Variants in TMTC2 observed in about 807,000 individuals in gnomAD.
TMTC2 encodes transmembrane O-mannosyltransferase targeting cadherins 2.
A neutral mutation model predicts 82.4 loss-of-function variants in TMTC2; 43 were observed. The ratio of observed to expected loss-of-function variants is 0.52; its 90% CI spans 0.41 to 0.67. TMTC2 has a LOEUF of 0.67. Among genes scored for constraint, TMTC2 ranks in the 30% least tolerant of loss-of-function variants. TMTC2 has a pLI of 0.00. For missense variants in TMTC2, 919 were observed against 1,012.4 expected (o/e 0.91, Z 1.25); for synonymous variants, 408 against 381.9 (o/e 1.07, Z -0.80).
chr12:83,085,416 A>G (rs1883619250), intron 11 of TMTC2, among the ~76,000 whole-genome samples: 1 of 152,096 alleles, frequency 6.6e-6, no homozygotes, highest in Non-Finnish European at 1.5e-5. Context: ...CATGCTACAA[A>G]CCATTTTACA....
At chr12:83,084,732 G>C (rs1264207655) in intron 11 of TMTC2, among the ~76,000 whole-genome samples, 1 of 152,196 alleles carries the variant, frequency 6.6e-6, no homozygotes, top group African/African-American at 2.4e-5. Context: ...CACCAGTGGA[G>C]GAGGAAATGA....
At chr12:82,809,682 G>C (rs1480669369) in intron 1 of TMTC2, among the ~76,000 whole-genome samples, 1 of 152,096 alleles carries the variant, frequency 6.6e-6, no homozygotes, top group Non-Finnish European at 1.5e-5. Flanking sequence ...ACGTGTTGGA[G>C]GCAGGAGCAG....
intron 8 of TMTC2, among the ~76,000 whole-genome samples, chr12:83,029,150 C>T (rs775542559): frequency 2.0e-4 from 30 of 151,458 alleles, no homozygotes; most frequent in Non-Finnish European, 2.8e-4. Flanking sequence ...TTTTTAATGA[C>T]GGAATGAACA....
intron 11 of TMTC2, among the ~76,000 whole-genome samples, chr12:83,115,330 AG>A (rs1884718679): frequency 6.6e-6 from 1 of 152,256 alleles, no homozygotes; most frequent in Non-Finnish European, 1.5e-5. Context: ...AAAGAAAAAA[AG>A]ATACTGTATG....
rs557276051 is a variant in TMTC2, at chr12:82,829,556, G to A, written c.84-27454G>A. Among the ~76,000 whole-genome samples the A allele has an allele frequency of 3.9e-5, 6 of 152,210 alleles. No homozygotes were observed. In the East Asian group the frequency reaches 9.7e-4, roughly 25 times the overall value. On this transcript the variant is annotated intron_variant, in intron 1 of 11. Coordinates refer to ENST00000321196, the MANE Select transcript of TMTC2 (RefSeq NM_152588.3). ...GAGATCATTGACTTTAAGAAAAGAG[G>A]CATCAAAGTAATCCCACCTCTATGA...
chr12:82,907,025 C>T (rs1163761262), intron 3 of TMTC2, among the ~76,000 whole-genome samples: 1 of 152,122 alleles, frequency 6.6e-6, no homozygotes, highest in Non-Finnish European at 1.5e-5. Flanking sequence ...ATTGGCTGAA[C>T]TAGACTGAAA....
At position 82,895,960 on chromosome 12, in the gene TMTC2, T is replaced by C. The variant is rs369625602; in HGVS notation, c.797T>C (p.Leu266Pro). The C allele has an allele frequency of 5.6e-6, 9 of 1,613,760 alleles. No homozygotes were observed. In the East Asian group the frequency reaches 1.8e-4, roughly 32 times the overall value. ...SDNPAADSDSLLTRTLTFFYL... is the reference protein window; with the variant it reads ...SDNPAADSDSPLTRTLTFFYL... ...AACCCCGCTGCTGATTCGGACAGCC[T>C]CCTCACCCGCACTCTCACCTTCTTC... The change falls in exon 3 of 12, where the codon CTC becomes CCC. Residue 266 changes from leucine (L) to proline (P), a missense_variant. By Grantham distance (98) the Leu-to-Pro change is moderately conservative (BLOSUM62 -3). Transcript: ENST00000321196.
intron 3 of TMTC2, among the ~76,000 whole-genome samples, chr12:82,914,689 G>A (rs1874893764): frequency 6.6e-6 from 1 of 151,820 alleles, no homozygotes; most frequent in African/African-American, 2.4e-5. Flanking sequence ...TATGCTTTTA[G>A]TATATAATAA....
intron 11 of TMTC2, among the ~76,000 whole-genome samples, chr12:83,096,925 A>G (rs1479681439): frequency 1.3e-5 from 2 of 152,168 alleles, no homozygotes; most frequent in Non-Finnish European, 2.9e-5. Flanking sequence ...TTTGCCTTAC[A>G]TTCATAGTTC....
intron 11 of TMTC2, among the ~76,000 whole-genome samples, chr12:83,066,227 G>T (rs1882910908): frequency 1.3e-5 from 2 of 151,912 alleles, no homozygotes. Context: ...ACAGGAGAGA[G>T]AAATGACATT....
At chr12:82,883,782 C>T (rs1044625695) in intron 2 of TMTC2, among the ~76,000 whole-genome samples, 8 of 152,184 alleles carry the variant, frequency 5.3e-5, no homozygotes, top group Non-Finnish European at 1.2e-4. Flanking sequence ...TTTTACTTCT[C>T]CTCCCATTAG....
At chr12:82,719,059 T>TTTTATATATATATATATA (rs1874040088) in intron 1 of TMTC2, among the ~76,000 whole-genome samples, 5 of 94,444 alleles carry the variant, frequency 5.3e-5, no homozygotes, top group African/African-American at 2.3e-4. Context: ...TTAGATGATT[T>TTTTATATATATATATATA]TATATATATA....
chr12:82,879,236 G>A (rs1872713477), intron 2 of TMTC2, among the ~76,000 whole-genome samples: 1 of 152,166 alleles, frequency 6.6e-6, no homozygotes, highest in Admixed American at 6.6e-5. Flanking sequence ...GACTTGGTGG[G>A]TATGAAGTGG....
At chr12:82,707,559 A>G (rs1873421704) in intron 1 of TMTC2, among the ~76,000 whole-genome samples, 1 of 152,190 alleles carries the variant, frequency 6.6e-6, no homozygotes, top group Admixed American at 6.5e-5. Flanking sequence ...ACCATTGGCA[A>G]CCTAGAGTTT....
chr12:83,050,011 AT>A (rs1406480434), intron 9 of TMTC2, among the ~76,000 whole-genome samples: 1 of 152,170 alleles, frequency 6.6e-6, no homozygotes, highest in Non-Finnish European at 1.5e-5. Flanking sequence ...GAACTTAATC[AT>A]TTTTATAACT....
intron 1 of TMTC2, among the ~76,000 whole-genome samples, chr12:82,768,413 C>CTG (rs201051517): frequency 0.014 from 2,160 of 152,242 alleles, 26 homozygotes; most frequent in Non-Finnish European, 0.019. Context: ...GTAAAAGAGG[C>CTG]TGTGTGTGTG....
chr12:82,948,454 C>G (rs1454971896), intron 4 of TMTC2, among the ~76,000 whole-genome samples: 3 of 152,054 alleles, frequency 2.0e-5, no homozygotes, highest in Admixed American at 1.3e-4. Context: ...TGAATTGTTG[C>G]TAAGTTGAAA....
intron 1 of TMTC2, among the ~76,000 whole-genome samples, chr12:82,764,005 A>G (rs1225896285): frequency 6.6e-6 from 1 of 152,230 alleles, no homozygotes; most frequent in Non-Finnish European, 1.5e-5. Flanking sequence ...TTAATATATC[A>G]TACTGTATTT....
chr12:82,966,419 C>G (rs1878212830), intron 6 of TMTC2, among the ~76,000 whole-genome samples: 1 of 152,002 alleles, frequency 6.6e-6, no homozygotes, highest in South Asian at 2.1e-4. Context: ...CTCACGTACT[C>G]TTATGCAATG....
Sources: gnomAD v4.1 joint callset for allele counts (sites outside exome capture counted in the v4.1 genomes callset) on GRCh38, gnomAD v4.1.1 for gene constraint, MANE v1.5 for transcripts, NCBI Gene and HGNC (gene_info 2026-07-23, HGNC 2026-07-21) for gene names.